The following ELP2 variants were observed in gnomAD, a reference collection of about 807,000 sequenced individuals.
ELP2 encodes the protein elongator acetyltransferase complex subunit 2.
Under a neutral mutation model 119.2 loss-of-function variants are expected in ELP2, and 90 were observed. That is an observed-to-expected ratio of 0.75 (90% CI 0.64 to 0.90). The LOEUF is 0.90. ELP2 is among the 40% of genes least tolerant of loss of function. The pLI, the probability that ELP2 is intolerant of heterozygous loss-of-function variation, is 0.00. For synonymous variants in ELP2, 339 were observed against 331.0 expected, an observed-to-expected ratio of 1.02 and a Z score of -0.26; for missense variants, 921 against 967.8, an observed-to-expected ratio of 0.95 and a Z score of 0.64.
At position 36,138,412 on chromosome 18, in the gene ELP2, A is replaced by G. The variant is rs956387664; in HGVS notation, c.431A>G (p.Lys144Arg). The G allele has an allele frequency of 9.3e-6, 15 of 1,614,108 alleles. No homozygotes were observed. In the East Asian group the frequency reaches 3.3e-4, roughly 36 times the overall value. Residue 144 changes from lysine (K) to arginine (R), a missense_variant, in exon 4 of 22, where the codon AAA (lysine) becomes AGA (arginine). Lys to Arg is a conservative substitution (Grantham distance 26). Coordinates refer to ENST00000358232, the MANE Select transcript of ELP2 (RefSeq NM_018255.4). ...AADSAVRLWS[K>R]KGPEVMCLQT... ...GATTCTGCTGTTCGACTCTGGTCTA[A>G]AAAGGGTCCAGAAGGTAGGTTTGGA...
Position 36,151,750 on chromosome 18 carries a change from T to G in ELP2, c.1126-3100T>G, listed in dbSNP as rs1168504529. Among the ~76,000 whole-genome samples the G allele has an allele frequency of 6.6e-3, 464 of 69,884 alleles. 4 individuals carry two copies. The highest frequency in any genetic ancestry group is 0.018 in the African/African-American group (441 of 25,010). The allele number at this position is 69,884 out of a possible 152,430, so 45.8% of individuals were successfully genotyped here. On this transcript the variant is annotated intron_variant, in intron 11 of 21. Transcript: ENST00000358232. ...ATCTTCTGTTCTGTTCTGTTTTTTTTTTTTTTTTTTTTTTTGAGGTGGAGT... is the reference window on the plus strand; with the variant it reads ...ATCTTCTGTTCTGTTCTGTTTTTTTGTTTTTTTTTTTTTTTGAGGTGGAGT...
At chr18:36,154,773 G>A in intron 11 of ELP2, 77 bp from the exon 12 acceptor site, 1 of 1,545,804 alleles carries the variant, frequency 6.5e-7, no homozygotes, top group Non-Finnish European at 8.9e-7. Flanking sequence ...AGTCTTCTCT[G>A]TTATCAGACG....
chr18:36,156,150 G>T (rs2090565828), intron 12 of ELP2, among the ~76,000 whole-genome samples: 1 of 152,202 alleles, frequency 6.6e-6, no homozygotes, highest in South Asian at 2.1e-4. Context: ...CTGACTGTGG[G>T]TCAGTCCGTA....
At chr18:36,140,321 T>C (rs1213281759) in intron 5 of ELP2, among the ~76,000 whole-genome samples, 1 of 151,854 alleles carries the variant, frequency 6.6e-6, no homozygotes. Context: ...TTTAGCCACA[T>C]GCTTAATTAT....
chr18:36,161,383 A>G (rs1472547710), intron 17 of ELP2, among the ~76,000 whole-genome samples: 1 of 152,232 alleles, frequency 6.6e-6, no homozygotes, highest in African/African-American at 2.4e-5. Context: ...ACAGAGTGAG[A>G]CTCTGTATAT....
At chr18:36,162,020 G>A (rs1175971114) in intron 17 of ELP2, among the ~76,000 whole-genome samples, 2 of 151,966 alleles carry the variant, frequency 1.3e-5, no homozygotes, top group African/African-American at 2.4e-5. Context: ...AACAATATGT[G>A]TATCCTCTAA....
intron 15 of ELP2, 56 bp downstream of exon 15, chr18:36,159,886 A>G: frequency 1.2e-6 from 2 of 1,603,654 alleles, no homozygotes; most frequent in East Asian, 2.2e-5. Context: ...TATGTTATCT[A>G]TTGCTGCTGA....
At chr18:36,171,019 C>T (rs777005911) in intron 20 of ELP2, 28 bp from the exon 21 acceptor site, 34 of 1,439,312 alleles carry the variant, frequency 2.4e-5, no homozygotes, top group Non-Finnish European at 3.2e-5. Context: ...CTAAGTTAAT[C>T]ACTGTTGTCC....
intron 21 of ELP2, among the ~76,000 whole-genome samples, chr18:36,172,884 GACTTAACATAT>G (rs2091124471): frequency 6.6e-6 from 1 of 152,168 alleles, no homozygotes; most frequent in Non-Finnish European, 1.5e-5. Context: ...ACTAATGCGT[GACTTAACATAT>G]ATTATTTGGA....
intron 5 of ELP2, chr18:36,139,403 C>T: frequency 1.3e-6 from 2 of 1,534,550 alleles, no homozygotes; most frequent in Non-Finnish European, 1.7e-6. Flanking sequence ...GTGAGTCAGC[C>T]TCTTTGCCTC....
chr18:36,174,802 TTC>T lies in ELP2; in HGVS notation c.*165_*166del, dbSNP rs1394897973. 1.3e-4 allele frequency: 86 copies of T among 654,492 alleles called. 1 individual carries two copies. The South Asian group carries it at 1.6e-3, about 12-fold the overall frequency. The allele number at this position is 654,492 out of a possible 1,614,324, so 40.5% of individuals were successfully genotyped here. On this transcript the variant is annotated 3_prime_UTR_variant, in exon 22 of 22. Coordinates refer to ENST00000358232, the MANE Select transcript of ELP2 (RefSeq NM_018255.4). ...ACCTCCACCTCCCAGGTTCAAGCGA[TTC>T]TCTTTCTTCAGCCTCCTGAGTAGCT...
At position 36,142,956 on chromosome 18, in the gene ELP2, A is replaced by G. The variant is rs1390177248; in HGVS notation, c.786A>G (p.Ile262Met). The G allele has an allele frequency of 1.3e-6, 2 of 1,583,916 alleles. No individual in the cohort carries two copies. The highest frequency in any genetic ancestry group is 2.2e-5 in the East Asian group (1 of 44,492). ...GACTGAAAGAAAATACTTTTACCAT[A>G]GAAAATGAAAGTGAGTAATAATGAA... ...NIRLKENTFT[I>M]ENESVKIAFA... is the part of the protein sequence containing the mutation. Residue 262 changes from isoleucine to methionine, a missense_variant, in exon 8 of 22, where the codon ATA becomes ATG. Physicochemically the swap from Ile to Met is conservative, Grantham distance 10. Transcript: ENST00000358232.
In ELP2 at chr18:36,167,170, G is replaced by C; in HGVS notation, c.2024G>C (p.Cys675Ser). The C allele has an allele frequency of 6.3e-7, 1 of 1,599,202 alleles. No individual in the cohort carries two copies. Among genetic ancestry groups the C allele is most frequent in the South Asian group, 1.1e-5 (1 of 87,198 alleles). Residue 675 changes from cysteine (C) to serine (S), a missense_variant, in exon 19 of 22, where the codon TGT becomes TCT. Physicochemically the swap from Cys to Ser is moderately radical, Grantham distance 112. Coordinates refer to ENST00000358232, the MANE Select transcript of ELP2 (RefSeq NM_018255.4). ...TSVHSRIIWS[C>S]DWSPDSKYFF... ...GTGCACAGTAGAATTATTTGGTCTT[G>C]TGATTGGAGTCCTGACAGCAAGTAT...
At chr18:36,138,245 G>T (rs751558018) in intron 3 of ELP2, 25 bp from the exon 4 acceptor site, 100 of 1,612,784 alleles carry the variant, frequency 6.2e-5, no homozygotes, top group Non-Finnish European at 8.3e-5. Flanking sequence ...TTTTCACAAT[G>T]CTTCTGTCAT....
At chr18:36,169,917 C>G (rs1427240107) in intron 19 of ELP2, 146 bp from the exon 20 acceptor site, 1 of 1,044,314 alleles carries the variant, frequency 9.6e-7, no homozygotes, top group Non-Finnish European at 1.4e-6. Flanking sequence ...GCTCTCAAGT[C>G]CTGGCACACC....
In ELP2 at chr18:36,171,137, C is replaced by G; in HGVS notation, c.2301C>G (p.Thr767=). The change falls in exon 21 of 22, where the codon ACC becomes ACG. Residue 767 remains threonine, a synonymous_variant. Transcript: ENST00000358232. ...AAGTTCCAGAAATAAATGACTGGAC[C>G]CACTGTGTAGAAACAAGTCAAAGGT... is the stretch of plus-strand genomic sequence containing the variant. ...TDQVPEINDW[T]HCVETSQSQS... is the part of the protein sequence containing the mutation. The G allele has an allele frequency of 6.2e-7, 1 of 1,613,194 alleles. No individual in the cohort carries two copies. Among genetic ancestry groups the G allele is most frequent in the Non-Finnish European group, 8.5e-7 (1 of 1,179,186 alleles).
intron 9 of ELP2, 33 bp from the exon 10 acceptor site, chr18:36,145,915 G>T: frequency 6.5e-7 from 1 of 1,537,082 alleles, no homozygotes; most frequent in South Asian, 1.1e-5. Context: ...GATGATTGTT[G>T]ATCACCTAAA....
chr18:36,139,667 C>T (rs2089954448), intron 5 of ELP2: 2 of 1,441,078 alleles, frequency 1.4e-6, no homozygotes, highest in African/African-American at 1.4e-5. Flanking sequence ...TGTAGTTGAT[C>T]TAAAGTAAGA....
intron 19 of ELP2, 34 bp downstream of exon 19, chr18:36,167,256 G>A: frequency 6.8e-7 from 1 of 1,464,990 alleles, no homozygotes; most frequent in Non-Finnish European, 9.3e-7. Context: ...TTTTTCAAAT[G>A]TAAAAATAAT....
Sources: gnomAD v4.1 joint callset for allele counts (sites outside exome capture counted in the v4.1 genomes callset) on GRCh38, gnomAD v4.1.1 for gene constraint, MANE v1.5 for transcripts, NCBI Gene and HGNC (gene_info 2026-07-23, HGNC 2026-07-21) for gene names.